The following RUNDC3B variants were observed in gnomAD, a reference collection of about 807,000 sequenced individuals.
RUNDC3B encodes the protein RUN domain containing 3B.
A neutral mutation model predicts 58.4 loss-of-function variants in RUNDC3B; 33 were observed. That is an observed-to-expected ratio of 0.56 (90% confidence interval 0.43 to 0.75). RUNDC3B has a LOEUF of 0.75. RUNDC3B is among the 30% of genes least tolerant of loss of function. The pLI, the probability that RUNDC3B is intolerant of heterozygous loss-of-function variation, is 0.00. For synonymous variants in RUNDC3B, 193 were observed against 195.2 expected, an observed-to-expected ratio of 0.99 and a Z score of 0.10; for missense variants, 501 against 535.7, an observed-to-expected ratio of 0.94 and a Z score of 0.64.
chr7:87,766,204 T>C (rs1279055497), intron 6 of RUNDC3B, among the ~76,000 whole-genome samples: 1 of 152,140 alleles, frequency 6.6e-6, no homozygotes, highest in Non-Finnish European at 1.5e-5. Context: ...AGGTGGGTCT[T>C]CGAAGATGGT....
In RUNDC3B at chr7:87,776,167, A is replaced by G. The variant is rs1429254186; in HGVS notation, c.799-1631A>G. ...GTAGCAGTATCTAGTAAATGTGAAGATATGCATGGCCTATATCCTAGGAAT... is the reference window on the plus strand; with the variant it reads ...GTAGCAGTATCTAGTAAATGTGAAGGTATGCATGGCCTATATCCTAGGAAT... On this transcript the variant is annotated intron_variant, in intron 7 of 10. Coordinates refer to ENST00000394654, the MANE Select transcript of RUNDC3B (RefSeq NM_001134405.2). Among the ~76,000 whole-genome samples the G allele has an allele frequency of 3.3e-5, 5 of 152,210 alleles. No homozygotes were observed. The East Asian group carries it at 9.7e-4, about 29-fold the overall frequency.
intron 8 of RUNDC3B, among the ~76,000 whole-genome samples, chr7:87,783,353 G>A (rs996795353): frequency 6.6e-6 from 1 of 151,996 alleles, no homozygotes; most frequent in Non-Finnish European, 1.5e-5. Context: ...TAGTTTGCAT[G>A]GTAAATCTTT....
At chr7:87,807,566 C>T (rs760617496) in intron 9 of RUNDC3B, 47 bp downstream of exon 9, 1 of 1,333,370 alleles carries the variant, frequency 7.5e-7, no homozygotes, top group African/African-American at 1.4e-5. Flanking sequence ...TTAGTTGTAC[C>T]AAAACATATG....
intron 7 of RUNDC3B, among the ~76,000 whole-genome samples, chr7:87,773,322 C>CA (rs760846940): frequency 0.013 from 737 of 56,990 alleles, 2 homozygotes; most frequent in South Asian, 0.027. Flanking sequence ...GACTCCGTCT[C>CA]AAAAAAAAAA....
chr7:87,819,706 T>C (rs992659340), intron 10 of RUNDC3B, among the ~76,000 whole-genome samples: 11 of 152,086 alleles, frequency 7.2e-5, no homozygotes, highest in African/African-American at 2.4e-4. Context: ...CACAGTGCAA[T>C]CAAACTAGAA....
Position 87,717,955 on chromosome 7 carries a change from AAC to A in RUNDC3B, c.458+7304_458+7305del, listed in dbSNP as rs1463950009. 1.1e-4 allele frequency among the ~76,000 whole-genome samples: 17 copies of A among 152,172 alleles called. 1 individual carries two copies. The highest frequency in any genetic ancestry group is 2.4e-4 in the Non-Finnish European group (16 of 68,020). The stretch of plus-strand genomic sequence containing the variant: ...AATGTAAAAATATTAGTAACAATAT[AAC>A]ACATCATTAAGAAACTGATACATTT... On this transcript the variant is annotated intron_variant, in intron 4 of 10. Coordinates refer to ENST00000394654, the MANE Select transcript of RUNDC3B (RefSeq NM_001134405.2).
At chr7:87,781,162 T>C (rs1392323139) in intron 8 of RUNDC3B, among the ~76,000 whole-genome samples, 1 of 152,168 alleles carries the variant, frequency 6.6e-6, no homozygotes, top group African/African-American at 2.4e-5. Flanking sequence ...TGTGATTTCT[T>C]TCAGCAGTGT....
At chr7:87,780,072 T>A (rs1399104924) in intron 8 of RUNDC3B, among the ~76,000 whole-genome samples, 1 of 152,206 alleles carries the variant, frequency 6.6e-6, no homozygotes, top group Non-Finnish European at 1.5e-5. Flanking sequence ...TTTGCTATTG[T>A]CAATAGTGCT....
intron 8 of RUNDC3B, among the ~76,000 whole-genome samples, chr7:87,785,354 G>T (rs926298703): frequency 6.6e-6 from 1 of 152,108 alleles, no homozygotes; most frequent in South Asian, 2.1e-4. Flanking sequence ...ATGAACTCAC[G>T]CCTCCCTGTT....
chr7:87,746,236 G>A (rs1035175036), intron 6 of RUNDC3B, among the ~76,000 whole-genome samples: 11 of 152,052 alleles, frequency 7.2e-5, no homozygotes, highest in African/African-American at 2.4e-4. Context: ...GTCTATCTTG[G>A]AGAAAGTTCC....
chr7:87,812,995 T>C (rs748933950), intron 9 of RUNDC3B, among the ~76,000 whole-genome samples: 1 of 152,246 alleles, frequency 6.6e-6, no homozygotes, highest in Non-Finnish European at 1.5e-5. Context: ...TAGCCATTAC[T>C]GAAACAACTG....
chr7:87,709,064 A>G (rs981457483), intron 3 of RUNDC3B, among the ~76,000 whole-genome samples: 1 of 152,180 alleles, frequency 6.6e-6, no homozygotes, highest in African/African-American at 2.4e-5. Context: ...TGTTCTATTA[A>G]AAGTTCCTTT....
chr7:87,661,880 G>A (rs1331758352), intron 2 of RUNDC3B, among the ~76,000 whole-genome samples: 1 of 152,000 alleles, frequency 6.6e-6, no homozygotes, highest in Non-Finnish European at 1.5e-5. Context: ...CAGTGTATAA[G>A]AGTTCCCTTT....
chr7:87,662,299 T>C (rs376709185), intron 2 of RUNDC3B, among the ~76,000 whole-genome samples: 175 of 152,276 alleles, frequency 1.1e-3, no homozygotes, highest in African/African-American at 4.0e-3. Flanking sequence ...CCTGTTCTTA[T>C]GGGGTGTCAG....
intron 4 of RUNDC3B, among the ~76,000 whole-genome samples, chr7:87,736,870 TATATATATATA>T (rs1831979702): frequency 2.6e-5 from 1 of 39,038 alleles, no homozygotes; most frequent in East Asian, 6.6e-4. Context: ...TATATATATA[TATATATATATA>T]TATATATATT....
intron 6 of RUNDC3B, among the ~76,000 whole-genome samples, chr7:87,763,104 T>G (rs1415558276): frequency 6.6e-6 from 1 of 151,570 alleles, no homozygotes; most frequent in East Asian, 1.9e-4. Flanking sequence ...TTTTCTTCTA[T>G]GATACCCCAT....
intron 4 of RUNDC3B, among the ~76,000 whole-genome samples, chr7:87,718,369 A>G (rs1383809471): frequency 1.3e-5 from 2 of 152,136 alleles, no homozygotes. Context: ...AGCACCTATC[A>G]AAATTCCAGA....
chr7:87,820,626 G>C (rs1837365858), intron 10 of RUNDC3B, among the ~76,000 whole-genome samples: 1 of 152,294 alleles, frequency 6.6e-6, no homozygotes, highest in Non-Finnish European at 1.5e-5. Context: ...GAACATTGAT[G>C]CAAAAATCCT....
At chr7:87,647,659 A>G (rs1823144448) in intron 1 of RUNDC3B, among the ~76,000 whole-genome samples, 1 of 152,162 alleles carries the variant, frequency 6.6e-6, no homozygotes, top group South Asian at 2.1e-4. Flanking sequence ...ACGTGGTTTC[A>G]ATTTGAATTA....
Sources: gnomAD v4.1 joint callset for allele counts (sites outside exome capture counted in the v4.1 genomes callset) on GRCh38, gnomAD v4.1.1 for gene constraint, MANE v1.5 for transcripts, NCBI Gene and HGNC (gene_info 2026-07-23, HGNC 2026-07-21) for gene names.